MCPH1: variants seen among roughly 807,000 people sequenced by gnomAD.
MCPH1 encodes microcephalin 1.
Under a neutral mutation model 84.5 loss-of-function variants are expected in MCPH1, and 104 were observed. The observed-to-expected ratio is 1.23, with a 90% CI of 1.05 to 1.45. The LOEUF (loss-of-function observed/expected upper bound fraction) is 1.45, where lower values mean the gene tolerates loss of function less well. Ranked by LOEUF, MCPH1 falls within the 40% of genes most tolerant of loss-of-function variation. The pLI is 0.00. For synonymous variants in MCPH1, 514 were observed against 366.8 expected, an observed-to-expected ratio of 1.40 and a Z score of -4.58; for missense variants, 1,498 against 1,005.7, an observed-to-expected ratio of 1.49 and a Z score of -6.62.
chr8:6,501,358 A>G (rs1812141257), intron 12 of MCPH1: 2 of 152,224 alleles, frequency 1.3e-5, no homozygotes, highest in Non-Finnish European at 2.9e-5. Flanking sequence ...TGCTAGTTAC[A>G]GACTGGACTC....
chr8:6,576,845 C>G (rs994869892), intron 12 of MCPH1, among the ~76,000 whole-genome samples: 1 of 151,728 alleles, frequency 6.6e-6, no homozygotes, highest in African/African-American at 2.4e-5. Context: ...GAGGCACAGG[C>G]GTCAGCCACA....
At chr8:6,615,677 A>G (rs1279225305) in intron 12 of MCPH1, 1 of 152,228 alleles carries the variant, frequency 6.6e-6, no homozygotes. Context: ...ATACAATTCT[A>G]TGAGTTTAAA....
intron 1 of MCPH1, among the ~76,000 whole-genome samples, chr8:6,408,280 G>A (rs1563161203): frequency 6.6e-6 from 1 of 152,072 alleles, no homozygotes; most frequent in African/African-American, 2.4e-5. Flanking sequence ...CCAGGCTGGA[G>A]CGCAGTGATG....
chr8:6,432,455 GTT>G (rs1801988934), intron 4 of MCPH1, among the ~76,000 whole-genome samples: 1 of 152,202 alleles, frequency 6.6e-6, no homozygotes, highest in Admixed American at 6.5e-5. Flanking sequence ...AAACTGTAGA[GTT>G]AAAGACATTG....
intron 12 of MCPH1, among the ~76,000 whole-genome samples, chr8:6,518,611 A>C (rs1399080801): frequency 2.0e-5 from 3 of 152,148 alleles, no homozygotes; most frequent in Non-Finnish European, 4.4e-5. Context: ...TTGTATTTTT[A>C]AAGTGTTTTT....
intron 8 of MCPH1, among the ~76,000 whole-genome samples, chr8:6,449,053 A>G (rs1232236135): frequency 6.6e-6 from 1 of 152,216 alleles, no homozygotes; most frequent in Non-Finnish European, 1.5e-5. Flanking sequence ...TCCCATCACC[A>G]ACATTGATTG....
chr8:6,603,084 A>C (rs547307472), intron 12 of MCPH1, among the ~76,000 whole-genome samples: 19 of 152,114 alleles, frequency 1.2e-4, no homozygotes, highest in African/African-American at 4.3e-4. Flanking sequence ...ACTAGTTTTC[A>C]GCCTGTATTT....
At chr8:6,447,459 TAA>T in intron 8 of MCPH1, 1 of 977,392 alleles carries the variant, frequency 1.0e-6, no homozygotes, top group Non-Finnish European at 1.2e-6. Context: ...AGATACAGTG[TAA>T]AAAAGGCTTC....
At chr8:6,421,637 A>G (rs1286596177) in intron 3 of MCPH1, among the ~76,000 whole-genome samples, 1 of 152,206 alleles carries the variant, frequency 6.6e-6, no homozygotes, top group African/African-American at 2.4e-5. Context: ...ATTGGAACAC[A>G]GGCATGTTCA....
chr8:6,482,650 C>G (rs931478746), intron 11 of MCPH1, among the ~76,000 whole-genome samples: 5 of 152,216 alleles, frequency 3.3e-5, no homozygotes, highest in Non-Finnish European at 7.3e-5. Context: ...TGAGAACGTA[C>G]TGCCTTTGCT....
chr8:6,485,086 G>C (rs994191108), intron 11 of MCPH1, among the ~76,000 whole-genome samples: 3 of 152,138 alleles, frequency 2.0e-5, no homozygotes, highest in Admixed American at 2.0e-4. Flanking sequence ...CAGCACTTTT[G>C]GAGGCCGAGG....
chr8:6,450,216 C>G (rs1237509628), intron 8 of MCPH1, among the ~76,000 whole-genome samples: 4 of 152,054 alleles, frequency 2.6e-5, no homozygotes, highest in African/African-American at 9.7e-5. Context: ...TTCTATCTAC[C>G]AGATCTTGTT....
chr8:6,427,181 A>T (rs953666073), intron 3 of MCPH1, among the ~76,000 whole-genome samples: 2 of 152,220 alleles, frequency 1.3e-5, no homozygotes, highest in Non-Finnish European at 2.9e-5. Flanking sequence ...AAAATATGGT[A>T]CACCTACATA....
At chr8:6,492,151 T>G (rs1810677662) in intron 11 of MCPH1, among the ~76,000 whole-genome samples, 1 of 152,224 alleles carries the variant, frequency 6.6e-6, no homozygotes, top group Non-Finnish European at 1.5e-5. Flanking sequence ...GTTTCCTGAC[T>G]TTTTAATGAT....
At chr8:6,537,622 C>T (rs1820748705) in intron 12 of MCPH1, among the ~76,000 whole-genome samples, 1 of 151,628 alleles carries the variant, frequency 6.6e-6, no homozygotes, top group Admixed American at 6.6e-5. Context: ...TTATTACTCC[C>T]ACAACGTTTT....
In MCPH1 at chr8:6,549,332, A is replaced by G. The variant is rs761376200; in HGVS notation, c.2214+49403A>G. Among the ~76,000 whole-genome samples the G allele has an allele frequency of 1.7e-3, 260 of 152,256 alleles. 2 individuals carry two copies. Among genetic ancestry groups the G allele is most frequent in the Admixed American group, 7.8e-4 (12 of 15,290 alleles). On this transcript the variant is annotated intron_variant, in intron 12 of 13. Transcript: ENST00000344683. Reference sequence around the variant, plus strand: ...AACATGGATCCATCACAGAAATAATAAAAGAGACCAAAAAGGAGTATGTAC... The same window carrying G: ...AACATGGATCCATCACAGAAATAATGAAAGAGACCAAAAAGGAGTATGTAC...
chr8:6,412,102 C>T (rs2089111807), intron 2 of MCPH1, among the ~76,000 whole-genome samples: 1 of 152,130 alleles, frequency 6.6e-6, no homozygotes, highest in Admixed American at 6.5e-5. Context: ...ACTGAATACC[C>T]TAAGAGCCTT....
chr8:6,409,821 C>A (rs557760094), intron 2 of MCPH1, among the ~76,000 whole-genome samples: 1 of 152,148 alleles, frequency 6.6e-6, no homozygotes, highest in African/African-American at 2.4e-5. Context: ...GTGTGGACAT[C>A]GTCCCATGTC....
intron 12 of MCPH1, among the ~76,000 whole-genome samples, chr8:6,605,845 T>A (rs1208725634): frequency 6.6e-6 from 1 of 152,108 alleles, no homozygotes; most frequent in Non-Finnish European, 1.5e-5. Flanking sequence ...TTACAGGTGT[T>A]TGCCACCATG....
Sources: gnomAD v4.1 joint callset for allele counts (sites outside exome capture counted in the v4.1 genomes callset) on GRCh38, gnomAD v4.1.1 for gene constraint, MANE v1.5 for transcripts, NCBI Gene and HGNC (gene_info 2026-07-23, HGNC 2026-07-21) for gene names.